The following KCNQ1 variants were observed in gnomAD, a reference collection of about 807,000 sequenced individuals.
KCNQ1 encodes the protein potassium voltage-gated channel subfamily Q member 1, also known as potassium voltage-gated channel subfamily KQT member 1.
KCNQ1 carries 49 observed loss-of-function variants against 72.4 expected under a neutral mutation model. The observed-to-expected ratio is 0.68, with a 90% confidence interval of 0.54 to 0.86. The LOEUF (loss-of-function observed/expected upper bound fraction) is 0.86, where lower values mean the gene tolerates loss of function less well. Ranked by LOEUF, KCNQ1 falls within the 40% of genes least tolerant of loss-of-function variation. KCNQ1 has a pLI of 0.00. For synonymous variants in KCNQ1, 450 were observed against 412.6 expected (o/e 1.09, Z -1.10); for missense variants, 790 against 945.1 (o/e 0.84, Z 2.15).
intron 11 of KCNQ1, chr11:2,692,295 CTTCCCTCCA>C: frequency 2.5e-6 from 1 of 399,022 alleles, no homozygotes; most frequent in East Asian, 3.6e-5. Flanking sequence ...AGGTTCCCTG[CTTCCCTCCA>C]TCCCTATTGC....
At position 2,778,146 on chromosome 11, in the gene KCNQ1, TC is replaced by T. The variant is rs1846746548; in HGVS notation, c.1794+112del. 6.7e-6 allele frequency: 7 copies of T among 1,050,482 alleles called. No homozygotes were observed. In the East Asian group the frequency reaches 1.8e-4, roughly 26 times the overall value. The allele number at this position is 1,050,482 out of a possible 1,614,324, so 65.1% of individuals were successfully genotyped here. A position where few individuals can be genotyped will look rare whatever the true frequency, so the allele number is the denominator to read the frequency against. ...GAAGCTCCTGCAGGCCTCCCCACCT[TC>T]CCGCCAGTGCCTACTGCAGCCTGCC... is the stretch of plus-strand genomic sequence containing the variant. On this transcript the variant is annotated intron_variant, in intron 15 of 15. Coordinates refer to ENST00000155840, the MANE Select transcript of KCNQ1 (RefSeq NM_000218.3).
At chr11:2,789,904 C>A (rs948909797) in intron 15 of KCNQ1, among the ~76,000 whole-genome samples, 1 of 152,190 alleles carries the variant, frequency 6.6e-6, no homozygotes, top group Admixed American at 6.5e-5. Context: ...AGGACCACCC[C>A]CAATCCTAAC....
intron 12 of KCNQ1, among the ~76,000 whole-genome samples, chr11:2,773,330 A>C (rs1203068341): frequency 6.6e-6 from 1 of 152,110 alleles, no homozygotes; most frequent in Non-Finnish European, 1.5e-5. Context: ...CTCATCTTAC[A>C]GAAAGGAGGA....
rs1331667656 is a variant in KCNQ1, at chr11:2,621,240, A to C, written c.1393+32386A>C. 2.5e-6 allele frequency: 1 copy of C among 398,050 alleles called. No individual in the cohort carries two copies. The highest frequency in any genetic ancestry group is 2.1e-5 in the African/African-American group (1 of 48,688). 24.7% of individuals were successfully genotyped at this position (398,050 alleles called of 1,614,324 possible). ...TGATCCACGCACCTCAGCCTCCCAA[A>C]GTGCTAGGACTACAGGCATGAGCCA... On this transcript the variant is annotated intron_variant, in intron 10 of 15. Coordinates refer to ENST00000155840, the MANE Select transcript of KCNQ1 (RefSeq NM_000218.3). This position sits in a 1 kb window ranked among gnomAD's most constrained non-coding sequence, Gnocchi z 5.7.
At chr11:2,799,399 T>TGC (rs973982151) in intron 15 of KCNQ1, among the ~76,000 whole-genome samples, 1 of 151,432 alleles carries the variant, frequency 6.6e-6, no homozygotes, top group Non-Finnish European at 1.5e-5. Context: ...TGTGTGTGTG[T>TGC]GTGGTGTGGT....
Position 2,642,025 on chromosome 11 carries a change from A to G in KCNQ1, c.1394-19936A>G, listed in dbSNP as rs912911213. ...CCAATACCATGCTGCTTTTAATGCT[A>G]TAGCCTTATATTTTTAAATCAGGCA... is the stretch of plus-strand genomic sequence containing the variant. On this transcript the variant is annotated intron_variant, in intron 10 of 15. Transcript: ENST00000155840. The surrounding 1 kb of genome is among the most constrained non-coding windows in gnomAD (Gnocchi z 4.3). 1.3e-5 allele frequency: 5 copies of G among 398,336 alleles called. No individual in the cohort carries two copies. Among genetic ancestry groups the G allele is most frequent in the East Asian group, 1.1e-4 (3 of 28,036 alleles). The allele number at this position is 398,336 out of a possible 1,614,324, so 24.7% of individuals were successfully genotyped here.
At chr11:2,496,305 C>T (rs180964726) in intron 1 of KCNQ1, among the ~76,000 whole-genome samples, 6 of 151,878 alleles carry the variant, frequency 4.0e-5, no homozygotes, top group Admixed American at 1.3e-4. Flanking sequence ...GGCATGGTGG[C>T]GGGCACCTGT....
intron 15 of KCNQ1, among the ~76,000 whole-genome samples, chr11:2,842,788 C>T (rs977544734): frequency 6.6e-5 from 10 of 152,212 alleles, no homozygotes; most frequent in Admixed American, 6.5e-4. Context: ...TCATGGCCAT[C>T]GGGTGGCTCG....
chr11:2,650,437 G>A, intron 10 of KCNQ1: 2 of 398,622 alleles, frequency 5.0e-6, no homozygotes, highest in Non-Finnish European at 8.8e-6. Flanking sequence ...CGCGTCTGTA[G>A]TATCATTTGG....
chr11:2,666,817 G>A (rs1472008796), intron 11 of KCNQ1: 6 of 398,720 alleles, frequency 1.5e-5, no homozygotes, highest in East Asian at 7.1e-5. Flanking sequence ...GGAAAGGACA[G>A]AAAGGACATT....
In KCNQ1 at chr11:2,613,481, C is replaced by T; in HGVS notation, c.1393+24627C>T. The T allele has an allele frequency of 2.5e-6, 1 of 398,558 alleles. No homozygotes were observed. Among genetic ancestry groups the T allele is most frequent in the Non-Finnish European group, 4.4e-6 (1 of 226,066 alleles). 24.7% of individuals were successfully genotyped at this position (398,558 alleles called of 1,614,324 possible). On this transcript the variant is annotated intron_variant, in intron 10 of 15. Transcript: ENST00000155840. The surrounding 1 kb of genome is among the most constrained non-coding windows in gnomAD (Gnocchi z 4.8). Reference sequence around the variant, plus strand: ...AGATGAGCCTTCTTTGTTGCTGGTCCTCAAGCCTACCGTGCCCCTGAGCTT... The same window carrying T: ...AGATGAGCCTTCTTTGTTGCTGGTCTTCAAGCCTACCGTGCCCCTGAGCTT...
intron 1 of KCNQ1, among the ~76,000 whole-genome samples, chr11:2,501,655 A>T (rs1388095025): frequency 6.7e-6 from 1 of 148,938 alleles, no homozygotes; most frequent in East Asian, 2.0e-4. Context: ...GGAGGAGGGA[A>T]TACCTCCAAA....
rs1259477853 is a variant in KCNQ1 at position 2,828,923 on chromosome 11, C to A, written c.1795-18844C>A. On this transcript the variant is annotated intron_variant, in intron 15 of 15. Coordinates refer to ENST00000155840, the MANE Select transcript of KCNQ1 (RefSeq NM_000218.3). This position sits in a 1 kb window ranked among gnomAD's most constrained non-coding sequence, Gnocchi z 5.3. The stretch of plus-strand genomic sequence containing the variant: ...GAGAATAGAAAATCAAAACGGTATC[C>A]AATTTCTTAACAGCAATTCAGAAAG... 6.6e-6 allele frequency among the ~76,000 whole-genome samples: 1 copy of A among 152,184 alleles called. No homozygotes were observed. Among genetic ancestry groups the A allele is most frequent in the South Asian group, 2.1e-4 (1 of 4,830 alleles).
rs1057524320 is a variant in KCNQ1, at chr11:2,571,344, C to T, written c.624C>T (p.Ala208=). ...ISIIDLIVVV[A]SMVVLCVGSK... Reference sequence around the variant, plus strand: ...CCACAGACCTCATCGTGGTCGTGGCCTCCATGGTGGTCCTCTGCGTGGGCT... The same window carrying T: ...CCACAGACCTCATCGTGGTCGTGGCTTCCATGGTGGTCCTCTGCGTGGGCT... The change falls in exon 4 of 16, where the codon GCC becomes GCT. Residue 208 remains alanine (A), a synonymous_variant. Transcript: ENST00000155840. 2 of 1,613,342 alleles carry T rather than the reference C, an allele frequency of 1.2e-6. No homozygotes were observed. The highest frequency in any genetic ancestry group is 1.1e-5 in the South Asian group (1 of 91,078).
In KCNQ1 at chr11:2,735,421, C is replaced by A. The variant is rs1402238560; in HGVS notation, c.1515-33423C>A. On this transcript the variant is annotated intron_variant, in intron 11 of 15. Coordinates refer to ENST00000155840, the MANE Select transcript of KCNQ1 (RefSeq NM_000218.3). The surrounding 1 kb of genome is among the most constrained non-coding windows in gnomAD (Gnocchi z 7.7). ...CCCTTCCTTCAGAGCCCAACCACTG[C>A]TTGCTCCTTCCCACCCCTCCTAGGC... Among the ~76,000 whole-genome samples the A allele has an allele frequency of 6.6e-6, 1 of 151,942 alleles. No individual in the cohort carries two copies. Among genetic ancestry groups the A allele is most frequent in the African/African-American group, 2.4e-5 (1 of 41,330 alleles).
intron 1 of KCNQ1, among the ~76,000 whole-genome samples, chr11:2,489,255 T>C (rs1232330327): frequency 2.6e-5 from 4 of 152,092 alleles, no homozygotes; most frequent in African/African-American, 2.4e-5. Context: ...GAAAGTGCAG[T>C]GCTTTGGGAC....
rs190507260 is a variant in KCNQ1, at chr11:2,495,851, G to A, written c.387-32077G>A. Among the ~76,000 whole-genome samples, 16 of 152,304 alleles carry A rather than the reference G, an allele frequency of 1.1e-4. No homozygotes were observed. The highest frequency in any genetic ancestry group is 3.6e-4 in the African/African-American group (15 of 41,552). On this transcript the variant is annotated intron_variant, in intron 1 of 15. Coordinates refer to ENST00000155840, the MANE Select transcript of KCNQ1 (RefSeq NM_000218.3). This position sits in a 1 kb window ranked among gnomAD's most constrained non-coding sequence, Gnocchi z 4.6. The stretch of plus-strand genomic sequence containing the variant: ...GGAAAGTTCTGTAGATGTCTATTAG[G>A]TCCGCTTGGTCCAGAGCTGAGTTCA...
Position 2,477,803 on chromosome 11 carries a change from A to G in KCNQ1, c.386+32319A>G, listed in dbSNP as rs1353986320. On this transcript the variant is annotated intron_variant, in intron 1 of 15. Coordinates refer to ENST00000155840, the MANE Select transcript of KCNQ1 (RefSeq NM_000218.3). The surrounding 1 kb of genome is among the most constrained non-coding windows in gnomAD (Gnocchi z 5.0). ...AGTGGTAATGGATTATAATTCATGA[A>G]AAAAGAATCTATGCATCCACAGGGA... is the stretch of plus-strand genomic sequence containing the variant. 6.6e-6 allele frequency among the ~76,000 whole-genome samples: 1 copy of G among 152,160 alleles called. No homozygotes were observed. Among genetic ancestry groups the G allele is most frequent in the African/African-American group, 2.4e-5 (1 of 41,438 alleles).
intron 10 of KCNQ1, among the ~76,000 whole-genome samples, chr11:2,604,879 C>A (rs888155125): frequency 3.9e-5 from 6 of 152,170 alleles, no homozygotes; most frequent in African/African-American, 1.4e-4. Flanking sequence ...CAATTATTTC[C>A]AAAGTGGGTG....
Sources: gnomAD v4.1 joint callset for allele counts (sites outside exome capture counted in the v4.1 genomes callset) on GRCh38, gnomAD v4.1.1 for gene constraint, Gnocchi (gnomAD v3.1) non-coding constraint, MANE v1.5 for transcripts, NCBI Gene and HGNC (gene_info 2026-07-23, HGNC 2026-07-21) for gene names.